CDCA2: variants seen among roughly 807,000 people sequenced by gnomAD.
CDCA2 encodes cell division cycle associated 2.
In CDCA2, 44 loss-of-function variants were observed where a neutral mutation model predicts 67.0. The ratio of observed to expected loss-of-function variants is 0.66; its 90% CI spans 0.52 to 0.84. The LOEUF (loss-of-function observed/expected upper bound fraction) is 0.84. Among genes scored for constraint, CDCA2 ranks in the 40% least tolerant of loss-of-function variants. The pLI is 0.00. For synonymous variants in CDCA2, 447 were observed against 418.7 expected, an observed-to-expected ratio of 1.07 and a Z score of -0.82; for missense variants, 1,253 against 1,203.2, an observed-to-expected ratio of 1.04 and a Z score of -0.61.
intron 11 of CDCA2, among the ~76,000 whole-genome samples, chr8:25,486,559 T>C (rs1238443624): frequency 6.6e-6 from 1 of 151,996 alleles, no homozygotes; most frequent in Non-Finnish European, 1.5e-5. Flanking sequence ...TCCCTTTACT[T>C]TGGGAGGCTA....
At chr8:25,499,786 C>G (rs1270947380) in intron 13 of CDCA2, among the ~76,000 whole-genome samples, 1 of 152,130 alleles carries the variant, frequency 6.6e-6, no homozygotes, top group African/African-American at 2.4e-5. Flanking sequence ...TTCAGTTGTT[C>G]TTTGGCGATT....
At chr8:25,498,463 C>CCCT (rs71214578) in intron 13 of CDCA2, among the ~76,000 whole-genome samples, 3 of 125,752 alleles carry the variant, frequency 2.4e-5, no homozygotes, top group Non-Finnish European at 5.2e-5. Flanking sequence ...ACCCCCCCCC[C>CCCT]GCCCCCCAGG....
chr8:25,500,767 C>T (rs1430455690), intron 13 of CDCA2, among the ~76,000 whole-genome samples: 1 of 152,116 alleles, frequency 6.6e-6, no homozygotes. Context: ...TGGGTCAGGC[C>T]CTACATTAAC....
chr8:25,466,666 T>C (rs989460272), intron 5 of CDCA2, among the ~76,000 whole-genome samples: 1 of 152,222 alleles, frequency 6.6e-6, no homozygotes, highest in Non-Finnish European at 1.5e-5. Flanking sequence ...AGGATTATTA[T>C]TAAGCTCGGC....
chr8:25,465,598 G>T lies in CDCA2; in HGVS notation c.388-577G>T, dbSNP rs779636842. The stretch of plus-strand genomic sequence containing the variant: ...TCAAACTTTGTATTTTAAGAGAATG[G>T]CTGGCTTTCAACCCTAAGAAGGAAA... On this transcript the variant is annotated intron_variant, in intron 4 of 14. Transcript: ENST00000330560. Among the ~76,000 whole-genome samples, 43 of 147,826 alleles carry T rather than the reference G, an allele frequency of 2.9e-4. 1 individual carries two copies. The highest frequency in any genetic ancestry group is 3.4e-3 in the Middle Eastern group (1 of 290).
rs1351969679 is a variant in CDCA2, at chr8:25,507,889, TA to T, written c.*154del. The stretch of plus-strand genomic sequence containing the variant: ...AGTTGAACCTACTTTTATGTAGAAA[TA>T]AATAAGTTTCTTCATCATTCAGATA... On this transcript the variant is annotated 3_prime_UTR_variant, in exon 15 of 15. Coordinates refer to ENST00000330560, the MANE Select transcript of CDCA2 (RefSeq NM_152562.4). The T allele has an allele frequency of 1.6e-6, 1 of 621,726 alleles. No homozygotes were observed. The highest frequency in any genetic ancestry group is 2.4e-6 in the Non-Finnish European group (1 of 409,926). 38.5% of individuals were successfully genotyped at this position (621,726 alleles called of 1,614,324 possible).
chr8:25,506,828 G>A lies in CDCA2; in HGVS notation c.2162G>A (p.Arg721His), dbSNP rs757404063. 9.3e-6 allele frequency: 15 copies of A among 1,613,994 alleles called. No homozygotes were observed. Among genetic ancestry groups the A allele is most frequent in the South Asian group, 5.5e-5 (5 of 91,038 alleles). Reference protein sequence around the residue: ...PVSCASVTEERVASDSPKPAL... With the variant: ...PVSCASVTEEHVASDSPKPAL... ...TCTTGTGCTTCTGTAACTGAAGAAC[G>A]TGTGGCATCAGATAGTCCCAAACCT... is the stretch of plus-strand genomic sequence containing the variant. The change falls in exon 15 of 15, where the codon CGT becomes CAT. Residue 721 changes from arginine (R) to histidine (H), a missense_variant. By Grantham distance (29) the Arg-to-His change is conservative. Transcript: ENST00000330560.
intron 7 of CDCA2, among the ~76,000 whole-genome samples, chr8:25,472,692 G>A (rs974497098): frequency 6.6e-6 from 1 of 151,696 alleles, no homozygotes; most frequent in Non-Finnish European, 1.5e-5. Flanking sequence ...TCATGTAATT[G>A]TTTTGTTTTT....
At chr8:25,488,146 A>G (rs1237669709) in intron 12 of CDCA2, among the ~76,000 whole-genome samples, 1 of 152,168 alleles carries the variant, frequency 6.6e-6, no homozygotes, top group Non-Finnish European at 1.5e-5. Flanking sequence ...GTTATGGGGT[A>G]TTTAGCTTAT....
chr8:25,476,937 G>A (rs1209254690), intron 7 of CDCA2, among the ~76,000 whole-genome samples: 1 of 152,034 alleles, frequency 6.6e-6, no homozygotes, highest in South Asian at 2.1e-4. Context: ...TCTCTTTTCT[G>A]AATTGTTAAC....
At chr8:25,498,454 C>CCT (rs386412358) in intron 13 of CDCA2, among the ~76,000 whole-genome samples, 1 of 33,082 alleles carries the variant, frequency 3.0e-5, no homozygotes, top group Non-Finnish European at 8.0e-5. Flanking sequence ...GTAATCTGCA[C>CCT]CCCCCCCCCG....
chr8:25,500,031 T>G (rs1277955618), intron 13 of CDCA2, among the ~76,000 whole-genome samples: 6 of 152,218 alleles, frequency 3.9e-5, no homozygotes, highest in Admixed American at 1.3e-4. Context: ...ATTGTTCTTT[T>G]TTGGGAGAGG....
At chr8:25,473,234 G>A (rs959489435) in intron 7 of CDCA2, among the ~76,000 whole-genome samples, 1 of 152,108 alleles carries the variant, frequency 6.6e-6, no homozygotes, top group African/African-American at 2.4e-5. Context: ...TATATACCAC[G>A]TTTTCTTTAT....
chr8:25,500,584 G>A lies in CDCA2; in HGVS notation c.1672-2789G>A, dbSNP rs530996053. 5.3e-5 allele frequency among the ~76,000 whole-genome samples: 8 copies of A among 152,066 alleles called. No homozygotes were observed. The South Asian group carries it at 6.2e-4, about 12-fold the overall frequency. On this transcript the variant is annotated intron_variant, in intron 13 of 14. Transcript: ENST00000330560. ...TGCAATGGTGCAATCATAACTCACC[G>A]CCGCCTCAACCTCCTGTGTTCAAGC...
At chr8:25,468,532 G>GGTGTATGTGT in intron 6 of CDCA2, 119 bp downstream of exon 6, 1 of 423,122 alleles carries the variant, frequency 2.4e-6, no homozygotes, top group Non-Finnish European at 4.2e-6. Flanking sequence ...TGGTTCCTGG[G>GGTGTATGTGT]GTGTGTGTGT....
At chr8:25,462,660 G>C (rs1023886082) in intron 4 of CDCA2, among the ~76,000 whole-genome samples, 2 of 102,082 alleles carry the variant, frequency 2.0e-5, no homozygotes, top group Admixed American at 1.9e-4. Context: ...AAATGATGAT[G>C]TTGACCATGG....
intron 13 of CDCA2, among the ~76,000 whole-genome samples, chr8:25,492,879 T>G (rs1439013247): frequency 6.6e-6 from 1 of 152,218 alleles, no homozygotes; most frequent in Non-Finnish European, 1.5e-5. Flanking sequence ...GCTAATGGTG[T>G]GCTGGTAAGA....
intron 13 of CDCA2, among the ~76,000 whole-genome samples, chr8:25,494,534 G>C (rs149438019): frequency 7.2e-4 from 110 of 152,116 alleles, no homozygotes; most frequent in African/African-American, 2.5e-3. Context: ...TTTATGTCGG[G>C]GACTTGAGTA....
intron 7 of CDCA2, among the ~76,000 whole-genome samples, chr8:25,478,844 A>G (rs1217020342): frequency 1.3e-5 from 2 of 150,340 alleles, no homozygotes; most frequent in Non-Finnish European, 1.5e-5. Context: ...CTCTTGCTAC[A>G]TTATTTTCCT....
Sources: gnomAD v4.1 joint callset for allele counts (sites outside exome capture counted in the v4.1 genomes callset) on GRCh38, gnomAD v4.1.1 for gene constraint, MANE v1.5 for transcripts, NCBI Gene and HGNC (gene_info 2026-07-23, HGNC 2026-07-21) for gene names.